ZNF576: variants seen among roughly 807,000 people sequenced by gnomAD.
The protein encoded by ZNF576 is zinc finger protein 576.
In ZNF576, 9 loss-of-function variants were observed where a neutral mutation model predicts 10.8. The ratio of observed to expected loss-of-function variants is 0.84; its 90% CI spans 0.50 to 1.46. The LOEUF (loss-of-function observed/expected upper bound fraction) is 1.46. ZNF576 is among the 40% of genes most tolerant of loss of function. ZNF576 has a pLI of 0.00. For missense variants in ZNF576, 191 were observed against 233.7 expected, an observed-to-expected ratio of 0.82 and a Z score of 1.19; for synonymous variants, 88 against 89.6, an observed-to-expected ratio of 0.98 and a Z score of 0.10.
chr19:43,596,918 TG>T (rs1600079479), intron 1 of ZNF576, 175 bp downstream of exon 1: 1 of 564,920 alleles, frequency 1.8e-6, no homozygotes, highest in East Asian at 3.1e-5. Context: ...TTGGGAGGTT[TG>T]AAGCTTCTTT....
rs1217698952 is a variant in ZNF576, at chr19:43,599,189, C to T, written c.444C>T (p.Cys148=). The T allele has an allele frequency of 9.9e-6, 16 of 1,614,120 alleles. No individual in the cohort carries two copies. The highest frequency in any genetic ancestry group is 2.2e-5 in the East Asian group (1 of 44,902). ...CTGGCACCTTCGCCTGCACAGAGTGCGGTCAGGACTTTGCTCAGGAAGCAG... is the reference window on the plus strand; with the variant it reads ...CTGGCACCTTCGCCTGCACAGAGTGTGGTCAGGACTTTGCTCAGGAAGCAG... ...APPGTFACTE[C]GQDFAQEAGL... The change falls in exon 3 of 3, where the codon TGC becomes TGT. Residue 148 remains cysteine (C), a synonymous_variant. Coordinates refer to ENST00000336564, the MANE Select transcript of ZNF576 (RefSeq NM_001145347.2).
chr19:43,599,397 G>T lies in ZNF576; in HGVS notation c.*139G>T. The T allele has an allele frequency of 1.2e-6, 1 of 819,214 alleles. No homozygotes were observed. Among genetic ancestry groups the T allele is most frequent in the Non-Finnish European group, 1.9e-6 (1 of 536,782 alleles). 50.7% of individuals were successfully genotyped at this position (819,214 alleles called of 1,614,324 possible). On this transcript the variant is annotated 3_prime_UTR_variant, in exon 3 of 3. Transcript: ENST00000336564. ...GAAGGCAGAGGGCTCTTAATAAAGAGGACCCAGAAGATTCTTATTTAGAGC... is the reference window on the plus strand; with the variant it reads ...GAAGGCAGAGGGCTCTTAATAAAGATGACCCAGAAGATTCTTATTTAGAGC...
chr19:43,597,183 A>G lies in ZNF576; in HGVS notation c.75A>G (p.Gly25=), dbSNP rs143699012. Reference sequence around the variant, plus strand: ...AGGAGAGAAGTCCCCAGAGCCCAGGAGGCAACATCTGTGAGTACACATGGC... The same window carrying G: ...AGGAGAGAAGTCCCCAGAGCCCAGGGGGCAACATCTGTGAGTACACATGGC... ...SPKERSPQSP[G]GNICHLGAPK... is the part of the protein sequence containing the mutation. Residue 25 remains glycine, a synonymous_variant, in exon 2 of 3, where the codon GGA becomes GGG. Coordinates refer to ENST00000336564, the MANE Select transcript of ZNF576 (RefSeq NM_001145347.2). 1.2e-6 allele frequency: 2 copies of G among 1,613,970 alleles called. No individual in the cohort carries two copies. The highest frequency in any genetic ancestry group is 8.5e-7 in the Non-Finnish European group (1 of 1,179,962).
rs758134206 is a variant in ZNF576, at chr19:43,597,239, G to A, written c.85+46G>A. On this transcript the variant is annotated intron_variant, in intron 2 of 2. Coordinates refer to ENST00000336564, the MANE Select transcript of ZNF576 (RefSeq NM_001145347.2). ...GGCTAGAGGAGGGTGGGGTGCAGGA[G>A]CTGATGCTAAGATCTCTGTGGCACT... is the stretch of plus-strand genomic sequence containing the variant. 14 of 1,562,770 alleles carry A rather than the reference G, an allele frequency of 9.0e-6. No individual in the cohort carries two copies. The South Asian group carries it at 1.2e-4, about 14-fold the overall frequency.
chr19:43,598,767 G>T (rs1348755227), intron 2 of ZNF576, 64 bp from the exon 3 acceptor site: 10 of 1,302,248 alleles, frequency 7.7e-6, no homozygotes, highest in Non-Finnish European at 2.1e-6. Context: ...GTGATTCTGG[G>T]GTTCAGGAAG....
rs1334556616 is a variant in ZNF576, at chr19:43,597,152, C to T, written c.44C>T (p.Ser15Leu). The change falls in exon 2 of 3, where the codon TCA becomes TTA. Residue 15 changes from serine (S) to leucine (L), a missense_variant. Coordinates refer to ENST00000336564, the MANE Select transcript of ZNF576 (RefSeq NM_001145347.2). ...NPEENMKQQD[S>L]PKERSPQSPG... The stretch of plus-strand genomic sequence containing the variant: ...GAAGAGAACATGAAGCAGCAGGATT[C>T]ACCCAAGGAGAGAAGTCCCCAGAGC... 1 of 1,614,018 alleles carries T rather than the reference C, an allele frequency of 6.2e-7. No individual in the cohort carries two copies. Among genetic ancestry groups the T allele is most frequent in the Non-Finnish European group, 8.5e-7 (1 of 1,179,998 alleles).
At chr19:43,597,274 A>G in intron 2 of ZNF576, 81 bp downstream of exon 2, 1 of 1,309,250 alleles carries the variant, frequency 7.6e-7, no homozygotes, top group East Asian at 2.3e-5. Flanking sequence ...TTCGGTGTCC[A>G]AGGCGCCACA....
intron 1 of ZNF576, 65 bp downstream of exon 1, chr19:43,596,808 C>A: frequency 4.0e-6 from 1 of 250,932 alleles, no homozygotes; most frequent in Non-Finnish European, 7.8e-6. Context: ...AAGATCAAGG[C>A]TTCCACGCTG....
Position 43,596,697 on chromosome 19 carries a change from A to G in ZNF576, c.-62A>G, listed in dbSNP as rs1259469017. Reference sequence around the variant, plus strand: ...GGCGGGGGCTCTGGGCGGAACAAAAATCACAGGATGTCAGAGGATGTTTCC... The same window carrying G: ...GGCGGGGGCTCTGGGCGGAACAAAAGTCACAGGATGTCAGAGGATGTTTCC... On this transcript the variant is annotated 5_prime_UTR_variant, in exon 1 of 3. Coordinates refer to ENST00000336564, the MANE Select transcript of ZNF576 (RefSeq NM_001145347.2). 6.2e-6 allele frequency: 1 copy of G among 162,414 alleles called. No individual in the cohort carries two copies. The highest frequency in any genetic ancestry group is 1.8e-4 in the East Asian group (1 of 5,434). The allele number at this position is 162,414 out of a possible 1,614,324, so 10.1% of individuals were successfully genotyped here.
At position 43,598,928 on chromosome 19, in the gene ZNF576, C is replaced by T. The variant is rs755627291; in HGVS notation, c.183C>T (p.Phe61=). The T allele has an allele frequency of 1.1e-5, 18 of 1,613,588 alleles. No homozygotes were observed. The highest frequency in any genetic ancestry group is 1.4e-5 in the Non-Finnish European group (16 of 1,179,714). ...RHMKREHPAD[F]VAQKLQGVLF... is the part of the protein sequence containing the mutation. ...TGAAGCGGGAGCACCCAGCGGACTT[C>T]GTGGCCCAGAAGCTGCAGGGGGTCC... is the stretch of plus-strand genomic sequence containing the variant. The change falls in exon 3 of 3, where the codon TTC becomes TTT. Residue 61 remains phenylalanine, a synonymous_variant. Coordinates refer to ENST00000336564, the MANE Select transcript of ZNF576 (RefSeq NM_001145347.2).
Position 43,598,826 on chromosome 19 carries a change from C to T in ZNF576, c.86-5C>T. 6.5e-7 allele frequency: 1 copy of T among 1,548,710 alleles called. No individual in the cohort carries two copies. On this transcript the variant is annotated splice_region_variant and splice_polypyrimidine_tract_variant and intron_variant, in intron 2 of 2. Transcript: ENST00000336564. The stretch of plus-strand genomic sequence containing the variant: ...CTCCCCTGACCTCTCCCCCACATTC[C>T]TCAGGCCACCTGGGGGCCCCGAAGT...
Position 43,599,217 on chromosome 19 carries a change from C to T in ZNF576, c.472C>T (p.Leu158=). ...TCAGGACTTTGCTCAGGAAGCAGGG[C>T]TGCATCAACACTACATTCGGCATGC... ...CGQDFAQEAG[L]HQHYIRHARG... is the part of the protein sequence containing the mutation. The change falls in exon 3 of 3, where the codon CTG becomes TTG. Residue 158 remains leucine (L), a synonymous_variant. Coordinates refer to ENST00000336564, the MANE Select transcript of ZNF576 (RefSeq NM_001145347.2). 3 of 1,614,206 alleles carry T rather than the reference C, an allele frequency of 1.9e-6. No individual in the cohort carries two copies. The highest frequency in any genetic ancestry group is 2.5e-6 in the Non-Finnish European group (3 of 1,180,030).
rs767489687 is a variant in ZNF576 at position 43,597,220 on chromosome 19, A to G, written c.85+27A>G. Reference sequence around the variant, plus strand: ...TGAGTACACATGGCTGGCGGGCTAGAGGAGGGTGGGGTGCAGGAGCTGATG... The same window carrying G: ...TGAGTACACATGGCTGGCGGGCTAGGGGAGGGTGGGGTGCAGGAGCTGATG... On this transcript the variant is annotated intron_variant, in intron 2 of 2. Transcript: ENST00000336564. The G allele has an allele frequency of 8.1e-6, 13 of 1,606,516 alleles. No homozygotes were observed. The Admixed American group carries it at 2.2e-4, about 27-fold the overall frequency.
Position 43,597,179 on chromosome 19 carries a change from C to G in ZNF576, c.71C>G (p.Pro24Arg), listed in dbSNP as rs1454619340. The part of the protein sequence containing the change: ...DSPKERSPQS[P>R]GGNICHLGAP... ...CCCAAGGAGAGAAGTCCCCAGAGCC[C>G]AGGAGGCAACATCTGTGAGTACACA... is the stretch of plus-strand genomic sequence containing the variant. The change falls in exon 2 of 3, where the codon CCA (proline) becomes CGA (arginine). Residue 24 changes from proline to arginine, a missense_variant. By Grantham distance (103) the Pro-to-Arg change is moderately radical. Coordinates refer to ENST00000336564, the MANE Select transcript of ZNF576 (RefSeq NM_001145347.2). The G allele has an allele frequency of 6.2e-7, 1 of 1,613,952 alleles. No homozygotes were observed. Among genetic ancestry groups the G allele is most frequent in the Non-Finnish European group, 8.5e-7 (1 of 1,179,990 alleles).
intron 1 of ZNF576, 111 bp downstream of exon 1, chr19:43,596,854 G>A: frequency 2.4e-6 from 1 of 423,482 alleles, no homozygotes; most frequent in Non-Finnish European, 4.4e-6. Context: ...CAGGTCATAG[G>A]TCACACCAGT....
chr19:43,597,847 G>C (rs1833623793), intron 2 of ZNF576, among the ~76,000 whole-genome samples: 2 of 152,132 alleles, frequency 1.3e-5, no homozygotes, highest in African/African-American at 4.8e-5. Flanking sequence ...TTGAGCCAGA[G>C]ACTACCAGGA....
intron 2 of ZNF576, 122 bp downstream of exon 2, chr19:43,597,315 G>A: frequency 1.2e-6 from 1 of 823,782 alleles, no homozygotes. Flanking sequence ...GGGCTGTAAT[G>A]GTCCCTGAGC....
chr19:43,598,265 C>T (rs1472697008), intron 2 of ZNF576, among the ~76,000 whole-genome samples: 1 of 152,292 alleles, frequency 6.6e-6, no homozygotes, highest in African/African-American at 2.4e-5. Context: ...GTGGCCTTGT[C>T]TGTCCTTGAT....
chr19:43,597,047 G>A, intron 1 of ZNF576, 47 bp from the exon 2 acceptor site: 1 of 1,564,704 alleles, frequency 6.4e-7, no homozygotes, highest in Non-Finnish European at 8.8e-7. Flanking sequence ...CTCTAAGACT[G>A]GTAACAGATG....
Sources: gnomAD v4.1 joint callset for allele counts (sites outside exome capture counted in the v4.1 genomes callset) on GRCh38, gnomAD v4.1.1 for gene constraint, MANE v1.5 for transcripts, NCBI Gene and HGNC (gene_info 2026-07-23, HGNC 2026-07-21) for gene names.